FGF12: variants seen among roughly 807,000 people sequenced by gnomAD.
The protein encoded by FGF12 is fibroblast growth factor 12B.
Under a neutral mutation model 23.6 loss-of-function variants are expected in FGF12, and 14 were observed. That is an observed-to-expected ratio of 0.59 (90% CI 0.39 to 0.93). The LOEUF (loss-of-function observed/expected upper bound fraction) is 0.93, where lower values mean the gene tolerates loss of function less well. Among genes scored for constraint, FGF12 ranks in the 40% least tolerant of loss-of-function variants. FGF12 has a pLI of 0.00. For synonymous variants in FGF12, 62 were observed against 77.3 expected (o/e 0.80, Z 1.04); for missense variants, 175 against 217.8 (o/e 0.80, Z 1.24).
intron 4 of FGF12, among the ~76,000 whole-genome samples, chr3:192,299,046 G>C (rs986964054): frequency 2.6e-5 from 4 of 152,174 alleles, no homozygotes; most frequent in African/African-American, 9.7e-5. Context: ...CTCCCACCAG[G>C]CCCCGCCTCC....
intron 2 of FGF12, among the ~76,000 whole-genome samples, chr3:192,489,306 AT>A (rs552398137): frequency 7.8e-4 from 118 of 151,956 alleles, no homozygotes; most frequent in African/African-American, 1.5e-3. Flanking sequence ...ACAAATTTCC[AT>A]TTTTTTTAAT....
intron 4 of FGF12, among the ~76,000 whole-genome samples, chr3:192,302,379 T>A (rs1448589656): frequency 6.6e-6 from 1 of 152,222 alleles, no homozygotes; most frequent in Non-Finnish European, 1.5e-5. Context: ...GTCAGACATA[T>A]AATTAAGATT....
intron 2 of FGF12, among the ~76,000 whole-genome samples, chr3:192,609,181 G>A (rs913333604): frequency 4.6e-5 from 7 of 152,036 alleles, no homozygotes; most frequent in Admixed American, 2.6e-4. Context: ...GATTCTGGAC[G>A]GTAGTCACAC....
chr3:192,364,679 G>C (rs895706101), intron 2 of FGF12, among the ~76,000 whole-genome samples: 1 of 152,172 alleles, frequency 6.6e-6, no homozygotes, highest in Non-Finnish European at 1.5e-5. Context: ...AGGGGCTATA[G>C]AAACAACAGA....
intron 3 of FGF12, among the ~76,000 whole-genome samples, chr3:192,351,639 C>A (rs1483886989): frequency 1.3e-5 from 2 of 152,148 alleles, no homozygotes; most frequent in Non-Finnish European, 2.9e-5. Flanking sequence ...ACATTTGTAG[C>A]TCTTTGGATT....
At chr3:192,599,465 T>C (rs1354503344) in intron 2 of FGF12, among the ~76,000 whole-genome samples, 9 of 151,994 alleles carry the variant, frequency 5.9e-5, no homozygotes, top group Non-Finnish European at 2.9e-5. Context: ...AGAAGGTAGT[T>C]CTGAGAATTG....
At chr3:192,626,110 C>T (rs1362940808) in intron 2 of FGF12, among the ~76,000 whole-genome samples, 1 of 152,130 alleles carries the variant, frequency 6.6e-6, no homozygotes, top group Non-Finnish European at 1.5e-5. Context: ...CCATTTTTAA[C>T]ACAAATTAAA....
Position 192,686,730 on chromosome 3 carries a change from A to G in FGF12, c.13+40451T>C, listed in dbSNP as rs1257927257. 5.3e-5 allele frequency among the ~76,000 whole-genome samples: 8 copies of G among 151,776 alleles called. No homozygotes were observed. In the East Asian group the frequency reaches 1.5e-3, roughly 29 times the overall value. ...TATGAGGGAAAGAGATTTCTTAAGA[A>G]TATCTATATGTAACAAAACTGCACG... On this transcript the variant is annotated intron_variant, in intron 2 of 5. Transcript: ENST00000445105.
chr3:192,447,694 T>TACCATTACAC (rs557593407), intron 2 of FGF12, among the ~76,000 whole-genome samples: 547 of 152,358 alleles, frequency 3.6e-3, no homozygotes, highest in Non-Finnish European at 6.1e-3. Flanking sequence ...TAAATCATTT[T>TACCATTACAC]ACCATTACAC....
At chr3:192,647,818 C>T (rs182216830) in intron 2 of FGF12, among the ~76,000 whole-genome samples, 67 of 150,864 alleles carry the variant, frequency 4.4e-4, no homozygotes, top group South Asian at 3.6e-3. Flanking sequence ...ATCAAATTAA[C>T]GAACTCCTTA....
At chr3:192,479,124 C>T (rs1229957320) in intron 2 of FGF12, among the ~76,000 whole-genome samples, 6 of 152,182 alleles carry the variant, frequency 3.9e-5, no homozygotes, top group African/African-American at 1.4e-4. Context: ...TTTCTGGATA[C>T]AGGAAATATA....
chr3:192,262,704 CATG>C, intron 4 of FGF12, among the ~76,000 whole-genome samples: 1 of 152,202 alleles, frequency 6.6e-6, no homozygotes, highest in South Asian at 2.1e-4. Flanking sequence ...ACGTATACTC[CATG>C]ATGTTTGTTC....
In FGF12 at chr3:192,408,162, C is replaced by A; in HGVS notation, c.14-47624G>T. The A allele has an allele frequency of 6.2e-7, 1 of 1,610,812 alleles. No individual in the cohort carries two copies. The stretch of plus-strand genomic sequence containing the variant: ...GCGCTTGGAGGCCGACACTCGGTCG[C>A]TGTTGGACTCCCTCGCCTGCCGCTT... On this transcript the variant is annotated intron_variant, in intron 2 of 5. Transcript: ENST00000445105. This position sits in a 1 kb window ranked among gnomAD's most constrained non-coding sequence, Gnocchi z 7.3.
intron 2 of FGF12, among the ~76,000 whole-genome samples, chr3:192,560,478 A>G (rs920451354): frequency 6.6e-6 from 1 of 152,074 alleles, no homozygotes; most frequent in Non-Finnish European, 1.5e-5. Context: ...GAAAAAAGAA[A>G]AAACAGTAAT....
At chr3:192,586,900 T>C (rs1301160339) in intron 2 of FGF12, among the ~76,000 whole-genome samples, 1 of 152,230 alleles carries the variant, frequency 6.6e-6, no homozygotes, top group African/African-American at 2.4e-5. Context: ...CAACTGTACT[T>C]CTTGTTAGTG....
chr3:192,559,960 T>C (rs201545011), intron 2 of FGF12, among the ~76,000 whole-genome samples: 6 of 152,236 alleles, frequency 3.9e-5, no homozygotes, highest in Middle Eastern at 3.4e-3. Flanking sequence ...TTTCAAATGC[T>C]AAAAATGTTC....
intron 2 of FGF12, among the ~76,000 whole-genome samples, chr3:192,504,760 C>T (rs1724244188): frequency 6.6e-6 from 1 of 152,114 alleles, no homozygotes; most frequent in South Asian, 2.1e-4. Flanking sequence ...GGATTCTCAG[C>T]AGATGAGTCC....
At chr3:192,304,204 T>C (rs566549686) in intron 4 of FGF12, among the ~76,000 whole-genome samples, 2 of 152,280 alleles carry the variant, frequency 1.3e-5, no homozygotes, top group South Asian at 2.1e-4. Flanking sequence ...AACACATGTA[T>C]CCAAGGGATC....
intron 4 of FGF12, among the ~76,000 whole-genome samples, chr3:192,230,616 G>GA (rs1253593496): frequency 1.3e-5 from 2 of 152,016 alleles, no homozygotes; most frequent in African/African-American, 4.8e-5. Flanking sequence ...TCACAGAATA[G>GA]AAAAAAACCA....
Sources: gnomAD v4.1 joint callset for allele counts (sites outside exome capture counted in the v4.1 genomes callset) on GRCh38, gnomAD v4.1.1 for gene constraint, Gnocchi (gnomAD v3.1) non-coding constraint, MANE v1.5 for transcripts, NCBI Gene and HGNC (gene_info 2026-07-23, HGNC 2026-07-21) for gene names.